Variants in TTLL11 observed in about 807,000 individuals in gnomAD.
TTLL11 encodes tubulin polyglutamylase TTLL11.
In TTLL11, 42 loss-of-function variants were observed where a neutral mutation model predicts 51.7. That is an observed-to-expected ratio of 0.81 (90% CI 0.64 to 1.05). TTLL11 has a LOEUF of 1.05. Among genes scored for constraint, TTLL11 ranks in the 50% least tolerant of loss-of-function variants. The pLI, the probability that TTLL11 is intolerant of heterozygous loss-of-function variation, is 0.00. For synonymous variants in TTLL11, 381 were observed against 383.5 expected (o/e 0.99, Z 0.08); for missense variants, 799 against 940.4 (o/e 0.85, Z 1.97).
rs1837973659 is a variant in TTLL11, at chr9:121,860,526, AT to A, written c.1734-84del. ...CTCCTCCACTCCTGTTAGGGACTGA[AT>A]GTTTGTCCTCCCCAAATCCATAGGT... On this transcript the variant is annotated intron_variant, in intron 7 of 8. Transcript: ENST00000321582. 4 of 1,105,890 alleles carry A rather than the reference AT, an allele frequency of 3.6e-6. No homozygotes were observed. In the African/African-American group the frequency reaches 6.2e-5, roughly 17 times the overall value. 68.5% of individuals were successfully genotyped at this position (1,105,890 alleles called of 1,614,324 possible). A position where few individuals can be genotyped will look rare whatever the true frequency, so the allele number is the denominator to read the frequency against.
rs150659154 is a variant in TTLL11 at position 121,885,328 on chromosome 9, C to T, written c.1482-14580G>A. On this transcript the variant is annotated intron_variant, in intron 6 of 8. Transcript: ENST00000321582. The stretch of plus-strand genomic sequence containing the variant: ...TCTTCCTCAGCCTGGTTTCTGGGGA[C>T]TTGTACAGAAGTCTTCCACTGTCCG... 20 of 152,324 alleles carry T rather than the reference C, an allele frequency of 1.3e-4. No homozygotes were observed. The East Asian group carries it at 3.9e-3, about 29-fold the overall frequency. 9.4% of individuals were successfully genotyped at this position (152,324 alleles called of 1,614,324 possible).
At chr9:121,860,811 G>A (rs1837983804) in intron 7 of TTLL11, among the ~76,000 whole-genome samples, 1 of 152,206 alleles carries the variant, frequency 6.6e-6, no homozygotes, top group Non-Finnish European at 1.5e-5. Flanking sequence ...ACCATGAGAA[G>A]TAAATGTTTG....
At chr9:122,082,501 CAAAAAAAAAA>C (rs35349693) in intron 1 of TTLL11, among the ~76,000 whole-genome samples, 2 of 84,654 alleles carry the variant, frequency 2.4e-5, no homozygotes, top group African/African-American at 7.6e-5. Flanking sequence ...GACTCTGTCT[CAAAAAAAAAA>C]AAAAAAAAAA....
intron 3 of TTLL11, 134 bp downstream of exon 3, chr9:122,031,589 A>G: frequency 9.6e-7 from 1 of 1,040,446 alleles, no homozygotes; most frequent in Non-Finnish European, 1.4e-6. Context: ...GCCAACACCT[A>G]CTGTGTACTG....
intron 1 of TTLL11, among the ~76,000 whole-genome samples, chr9:122,091,402 G>A (rs761090866): frequency 6.6e-5 from 10 of 152,162 alleles, no homozygotes; most frequent in Non-Finnish European, 1.3e-4. Context: ...AGTTTCCCCA[G>A]CATGAAAGTT....
At chr9:122,065,739 T>C (rs1272718279) in intron 1 of TTLL11, among the ~76,000 whole-genome samples, 3 of 152,194 alleles carry the variant, frequency 2.0e-5, no homozygotes. Context: ...ACCTCCATCG[T>C]AGACTTATTC....
chr9:122,086,227 T>C (rs1846119955), intron 1 of TTLL11, among the ~76,000 whole-genome samples: 1 of 152,248 alleles, frequency 6.6e-6, no homozygotes, highest in African/African-American at 2.4e-5. Context: ...TATTGTCTTT[T>C]AAAGGACTGT....
chr9:121,987,612 G>A (rs1842970672), intron 4 of TTLL11, among the ~76,000 whole-genome samples: 2 of 152,168 alleles, frequency 1.3e-5, no homozygotes, highest in Non-Finnish European at 2.9e-5. Flanking sequence ...CGAGTGGAGA[G>A]GACAGTTTCA....
intron 6 of TTLL11, among the ~76,000 whole-genome samples, chr9:121,969,832 C>T (rs1430921705): frequency 6.6e-6 from 1 of 152,208 alleles, no homozygotes. Flanking sequence ...AGCACTACAA[C>T]ACTGTGCAGC....
chr9:122,025,158 T>TA (rs140842000), intron 3 of TTLL11, among the ~76,000 whole-genome samples: 6,679 of 150,600 alleles, frequency 0.044, 169 homozygotes, highest in African/African-American at 0.074. Context: ...ACAACCCAAT[T>TA]AAAAAAAAAT....
At chr9:122,077,895 A>G (rs960572007) in intron 1 of TTLL11, among the ~76,000 whole-genome samples, 10 of 151,930 alleles carry the variant, frequency 6.6e-5, no homozygotes, top group Admixed American at 3.9e-4. Context: ...TCTAACCACA[A>G]TGAAATTAAG....
At chr9:122,048,863 A>C (rs1465961629) in intron 1 of TTLL11, among the ~76,000 whole-genome samples, 4 of 152,078 alleles carry the variant, frequency 2.6e-5, no homozygotes, top group African/African-American at 7.3e-5. Flanking sequence ...TTGTCTGTAC[A>C]TCTGTCCACC....
At chr9:122,005,969 C>T (rs1232769696) in intron 3 of TTLL11, among the ~76,000 whole-genome samples, 2 of 151,460 alleles carry the variant, frequency 1.3e-5, no homozygotes, top group Non-Finnish European at 2.9e-5. Flanking sequence ...ACAGCCTAGA[C>T]TCTAACTCCA....
chr9:121,863,841 T>C (rs1838096416), intron 7 of TTLL11, among the ~76,000 whole-genome samples: 1 of 152,190 alleles, frequency 6.6e-6, no homozygotes, highest in South Asian at 2.1e-4. Context: ...TTGCCCAACG[T>C]CACACAGCCG....
chr9:121,939,657 C>T (rs1254938287), intron 6 of TTLL11, among the ~76,000 whole-genome samples: 1 of 151,952 alleles, frequency 6.6e-6, no homozygotes, highest in Non-Finnish European at 1.5e-5. Flanking sequence ...CATACATATT[C>T]ATTATATTGT....
At chr9:121,963,857 G>A (rs1330662921) in intron 6 of TTLL11, 2 of 152,134 alleles carry the variant, frequency 1.3e-5, no homozygotes, top group Non-Finnish European at 2.9e-5. Flanking sequence ...GCTCACACTT[G>A]AAAATGTATG....
intron 7 of TTLL11, 139 bp downstream of exon 7, chr9:121,870,358 G>A (rs1262651409): frequency 8.9e-7 from 1 of 1,128,550 alleles, no homozygotes; most frequent in African/African-American, 1.6e-5. Context: ...CCAGCCACTA[G>A]GCTAATCCAA....
intron 6 of TTLL11, 115 bp from the exon 7 acceptor site, chr9:121,870,863 G>T: frequency 8.2e-7 from 1 of 1,214,222 alleles, no homozygotes; most frequent in Non-Finnish European, 1.1e-6. Context: ...TTTACAGACA[G>T]CAAGACTGAC....
chr9:121,942,735 CTTATTTT>C (rs1841525723), intron 6 of TTLL11, among the ~76,000 whole-genome samples: 3 of 127,354 alleles, frequency 2.4e-5, no homozygotes, highest in East Asian at 2.3e-4. Flanking sequence ...TCTAATCTGT[CTTATTTT>C]TTTTTTTTTT....
Sources: allele counts gnomAD v4.1 joint callset (sites outside exome capture counted in the v4.1 genomes callset), GRCh38; gene constraint gnomAD v4.1.1; transcripts MANE v1.5; gene names NCBI Gene and HGNC (gene_info 2026-07-23, HGNC 2026-07-21).